HSPA4L: variants seen among roughly 807,000 people sequenced by gnomAD.
HSPA4L encodes the protein heat shock 70 kDa protein 4L.
HSPA4L carries 48 observed loss-of-function variants against 100.3 expected under a neutral mutation model. The ratio of observed to expected loss-of-function variants is 0.48; its 90% CI spans 0.38 to 0.61. The LOEUF is 0.61. Among genes scored for constraint, HSPA4L ranks in the 20% least tolerant of loss-of-function variants. The probability of loss-of-function intolerance (pLI) is 0.00; values close to 1 mark genes in which losing one functional copy is unlikely to be tolerated. For synonymous variants in HSPA4L, 319 were observed against 328.2 expected (o/e 0.97, Z 0.30); for missense variants, 886 against 988.6 (o/e 0.90, Z 1.39).
intron 16 of HSPA4L, among the ~76,000 whole-genome samples, chr4:127,825,214 C>T (rs1418369387): frequency 1.3e-5 from 2 of 151,656 alleles, no homozygotes; most frequent in Non-Finnish European, 2.9e-5. Flanking sequence ...TGGATCATAG[C>T]AGTTCTTTAA....
chr4:127,787,855 A>G (rs1578687134), intron 1 of HSPA4L, among the ~76,000 whole-genome samples: 1 of 152,170 alleles, frequency 6.6e-6, no homozygotes, highest in East Asian at 1.9e-4. Context: ...ACTGAAAAAA[A>G]AAAGGTTTAA....
At position 127,822,791 on chromosome 4, in the gene HSPA4L, A is replaced by C; in HGVS notation, c.1835A>C (p.Lys612Thr). ...TAGGGGAAGATGATCATGCAAGATA[A>C]GTTAGAGAAAGAAAGAAATGATGCT... ...ENEGKMIMQDKLEKERNDAKN... is the reference protein window; with the variant it reads ...ENEGKMIMQDTLEKERNDAKN... The change falls in exon 15 of 19, where the codon AAG becomes ACG. Residue 612 changes from lysine to threonine, a missense_variant. By Grantham distance (78) the Lys-to-Thr change is moderately conservative (BLOSUM62 -1). Transcript: ENST00000296464. 2 of 1,613,854 alleles carry C rather than the reference A, an allele frequency of 1.2e-6. No individual in the cohort carries two copies. Among genetic ancestry groups the C allele is most frequent in the Non-Finnish European group, 1.7e-6 (2 of 1,179,854 alleles).
At chr4:127,816,805 A>AT (rs1458588055) in intron 12 of HSPA4L, among the ~76,000 whole-genome samples, 1 of 152,234 alleles carries the variant, frequency 6.6e-6, no homozygotes, top group Non-Finnish European at 1.5e-5. Context: ...ATGTGAAGAA[A>AT]TTTTAGAAAT....
intron 13 of HSPA4L, among the ~76,000 whole-genome samples, chr4:127,819,165 T>A (rs1242802236): frequency 6.6e-6 from 1 of 152,188 alleles, no homozygotes; most frequent in Non-Finnish European, 1.5e-5. Context: ...TATTTTTCTA[T>A]GTGTAAAAAT....
intron 1 of HSPA4L, among the ~76,000 whole-genome samples, chr4:127,786,120 C>CTA (rs1732709558): frequency 6.6e-6 from 1 of 152,186 alleles, no homozygotes; most frequent in African/African-American, 2.4e-5. Context: ...TTGCTATGTG[C>CTA]TAAGCAAGCA....
chr4:127,809,039 A>T, intron 11 of HSPA4L: 1 of 488,962 alleles, frequency 2.0e-6, no homozygotes, highest in East Asian at 3.3e-5. Context: ...CAACAACTAG[A>T]ATGACTATTA....
rs182101767 is a variant in HSPA4L, at chr4:127,809,352, A to G, written c.1378+1223A>G. ...CTGGGATCACGCTGAGCCGCAGTAT[A>G]TTGCAGCCCAGCAGAAGGCAGCTTT... On this transcript the variant is annotated intron_variant, in intron 11 of 18. Coordinates refer to ENST00000296464, the MANE Select transcript of HSPA4L (RefSeq NM_014278.4). 29 of 1,147,324 alleles carry G rather than the reference A, an allele frequency of 2.5e-5. No homozygotes were observed. In the African/African-American group the frequency reaches 4.1e-4, roughly 16 times the overall value. The allele number at this position is 1,147,324 out of a possible 1,614,324, so 71.1% of individuals were successfully genotyped here.
intron 6 of HSPA4L, 66 bp downstream of exon 6, chr4:127,801,984 C>T (rs553618976): frequency 7.1e-5 from 95 of 1,330,940 alleles, no homozygotes; most frequent in Non-Finnish European, 9.4e-5. Context: ...ACCGTAATAG[C>T]TGGGTTCGAA....
At chr4:127,825,525 CAACA>C (rs1733928120) in intron 16 of HSPA4L, among the ~76,000 whole-genome samples, 1 of 152,046 alleles carries the variant, frequency 6.6e-6, no homozygotes, top group South Asian at 2.1e-4. Flanking sequence ...ACCTTCATGC[CAACA>C]AATACTTCCA....
chr4:127,805,816 A>G (rs748924245), intron 10 of HSPA4L, 23 bp downstream of exon 10: 16 of 1,463,858 alleles, frequency 1.1e-5, no homozygotes, highest in Non-Finnish European at 1.5e-5. Flanking sequence ...TAAAACCTTG[A>G]TTAGAGCTTG....
intron 18 of HSPA4L, among the ~76,000 whole-genome samples, chr4:127,831,458 G>A (rs919168733): frequency 2.0e-5 from 3 of 146,454 alleles, no homozygotes; most frequent in African/African-American, 7.7e-5. Flanking sequence ...CTACAGTCAT[G>A]CCACTGCACG....
At chr4:127,804,129 T>A in intron 8 of HSPA4L, 42 bp downstream of exon 8, 1 of 1,488,374 alleles carries the variant, frequency 6.7e-7, no homozygotes, top group Non-Finnish European at 9.3e-7. Context: ...TACCATAATG[T>A]TGCCTACTTA....
At chr4:127,809,529 A>C (rs555610780) in intron 11 of HSPA4L, 4 of 827,212 alleles carry the variant, frequency 4.8e-6, no homozygotes, top group Non-Finnish European at 8.5e-6. Flanking sequence ...TGCCAAAGCT[A>C]CTGTCATTCA....
intron 12 of HSPA4L, among the ~76,000 whole-genome samples, chr4:127,814,567 A>C (rs1733622721): frequency 6.6e-6 from 1 of 151,764 alleles, no homozygotes; most frequent in African/African-American, 2.4e-5. Context: ...TATTCTGTGC[A>C]CTTTTTACTT....
intron 10 of HSPA4L, among the ~76,000 whole-genome samples, chr4:127,807,456 A>G (rs962184651): frequency 1.5e-4 from 23 of 152,100 alleles, no homozygotes; most frequent in African/African-American, 5.5e-4. Flanking sequence ...ATGTATGTAT[A>G]ACCCTCGGTT....
At chr4:127,807,126 C>G (rs983856407) in intron 10 of HSPA4L, among the ~76,000 whole-genome samples, 2 of 151,860 alleles carry the variant, frequency 1.3e-5, no homozygotes, top group Admixed American at 6.6e-5. Flanking sequence ...TTGGTAGTTT[C>G]TTGAAAACTA....
intron 1 of HSPA4L, chr4:127,783,540 T>C (rs1175716299): frequency 2.0e-5 from 30 of 1,509,860 alleles, no homozygotes; most frequent in Non-Finnish European, 1.9e-5. Flanking sequence ...GTTGTTTCTC[T>C]GGCCTGGGAA....
chr4:127,805,151 C>T lies in HSPA4L; in HGVS notation c.1064C>T (p.Thr355Ile), dbSNP rs757058289. ...ATTCCTGCAGTGAAAGAACAAATCA[C>T]TAAATTCTTTCTTAAAGACATAAGT... Reference protein sequence around the residue: ...TRIPAVKEQITKFFLKDISTT... With the variant: ...TRIPAVKEQIIKFFLKDISTT... The change falls in exon 9 of 19, where the codon ACT becomes ATT. Residue 355 changes from threonine to isoleucine, a missense_variant. By Grantham distance (89) the Thr-to-Ile change is moderately conservative (BLOSUM62 -1). Coordinates refer to ENST00000296464, the MANE Select transcript of HSPA4L (RefSeq NM_014278.4). 16 of 1,610,772 alleles carry T rather than the reference C, an allele frequency of 9.9e-6. No individual in the cohort carries two copies.
At chr4:127,818,908 C>T (rs1342531885) in intron 13 of HSPA4L, among the ~76,000 whole-genome samples, 1 of 151,264 alleles carries the variant, frequency 6.6e-6, no homozygotes, top group Non-Finnish European at 1.5e-5. Context: ...GAAATTTTAT[C>T]AAAGAACCCA....
Sources: gnomAD v4.1 joint callset for allele counts (sites outside exome capture counted in the v4.1 genomes callset) on GRCh38, gnomAD v4.1.1 for gene constraint, MANE v1.5 for transcripts, NCBI Gene and HGNC (gene_info 2026-07-23, HGNC 2026-07-21) for gene names.